Variants in GRIK2 observed in about 807,000 individuals in gnomAD.
GRIK2 encodes glutamate ionotropic receptor kainate type subunit 2.
A neutral mutation model predicts 100.3 loss-of-function variants in GRIK2; 32 were observed. The observed-to-expected ratio is 0.32, with a 90% CI of 0.24 to 0.43. GRIK2 has a LOEUF of 0.43. Ranked by LOEUF, GRIK2 falls within the 20% of genes least tolerant of loss-of-function variation. The probability of loss-of-function intolerance (pLI) is 1.00; values close to 1 mark genes in which losing one functional copy is unlikely to be tolerated. For missense variants in GRIK2, 843 were observed against 1,114.9 expected, an observed-to-expected ratio of 0.76 and a Z score of 3.47; for synonymous variants, 417 against 389.4, an observed-to-expected ratio of 1.07 and a Z score of -0.83.
chr6:101,749,803 C>CTTTTTTTTTT lies in GRIK2; in HGVS notation c.952-49831_952-49822dup, dbSNP rs989554915. On this transcript the variant is annotated intron_variant, in intron 7 of 16. Coordinates refer to ENST00000369134, the MANE Select transcript of GRIK2 (RefSeq NM_021956.5). ...ACTGAAAACTTGTGTGTGCCAGTTT[C>CTTTTTTTTTT]TTTTTTTTTTTTTTTTTTTTTTTGT... Among the ~76,000 whole-genome samples the CTTTTTTTTTT allele has an allele frequency of 1.8e-4, 17 of 92,544 alleles. 1 individual carries two copies. The highest frequency in any genetic ancestry group is 4.4e-4 in the African/African-American group (10 of 22,480). 60.7% of individuals were successfully genotyped at this position (92,544 alleles called of 152,430 possible).
chr6:101,693,812 G>T (rs6903303), intron 7 of GRIK2, among the ~76,000 whole-genome samples: 2,543 of 151,950 alleles, frequency 0.017, 78 homozygotes, highest in African/African-American at 0.059. Context: ...ATATGATCAT[G>T]TACAGATATC....
chr6:101,691,343 A>G (rs1315931870), intron 7 of GRIK2, among the ~76,000 whole-genome samples: 1 of 148,794 alleles, frequency 6.7e-6, no homozygotes, highest in Non-Finnish European at 1.5e-5. Flanking sequence ...TCTGCCACCC[A>G]GGCTGGAGTG....
intron 4 of GRIK2, among the ~76,000 whole-genome samples, chr6:101,637,924 A>G (rs1168466944): frequency 6.6e-6 from 1 of 152,186 alleles, no homozygotes; most frequent in East Asian, 1.9e-4. Context: ...CCTATTCATC[A>G]CCTGTAAGAT....
intron 9 of GRIK2, among the ~76,000 whole-genome samples, chr6:101,810,534 A>G (rs1164943681): frequency 1.3e-5 from 2 of 152,062 alleles, no homozygotes; most frequent in South Asian, 2.1e-4. Flanking sequence ...CAATTAACTT[A>G]TATCTGAAGG....
intron 2 of GRIK2, chr6:101,431,567 C>A: frequency 6.6e-6 from 1 of 151,380 alleles, no homozygotes; most frequent in African/African-American, 2.4e-5. Context: ...TTGGCAGTGG[C>A]AAGTGAAAAA....
At chr6:101,814,883 T>C (rs1384040505) in intron 9 of GRIK2, among the ~76,000 whole-genome samples, 19 of 152,332 alleles carry the variant, frequency 1.2e-4, no homozygotes, top group Non-Finnish European at 4.4e-5. Flanking sequence ...AAACAGAATA[T>C]AATTAGTAAT....
In GRIK2 at chr6:101,738,164, TAATTGACAATTGTCAAATGTCAATTG is replaced by T. The variant is rs1775781427; in HGVS notation, c.951+51812_951+51837del. 2.0e-5 allele frequency among the ~76,000 whole-genome samples: 3 copies of T among 147,140 alleles called. No homozygotes were observed. The Admixed American group carries it at 2.0e-4, about 10-fold the overall frequency. ...CAATTGACACATTAAATGTCAATTG[TAATTGACAATTGTCAAATGTCAATTG>T]TAATTGACAATTGTCAAATGTCAAT... On this transcript the variant is annotated intron_variant, in intron 7 of 16. Coordinates refer to ENST00000369134, the MANE Select transcript of GRIK2 (RefSeq NM_021956.5).
At chr6:101,595,710 G>GTATATATATATATA (rs1380908125) in intron 2 of GRIK2, among the ~76,000 whole-genome samples, 87 of 125,894 alleles carry the variant, frequency 6.9e-4, no homozygotes, top group African/African-American at 2.6e-3. Context: ...GTGTGTGTGT[G>GTATATATATATATA]TGTGTGTGTA....
intron 12 of GRIK2, among the ~76,000 whole-genome samples, chr6:101,892,442 G>A (rs746278759): frequency 1.3e-5 from 2 of 151,762 alleles, no homozygotes; most frequent in Admixed American, 1.3e-4. Flanking sequence ...GTATAATTAT[G>A]GTAATCTGTA....
intron 2 of GRIK2, among the ~76,000 whole-genome samples, chr6:101,473,205 CTTGT>C (rs1433411549): frequency 4.4e-5 from 6 of 135,860 alleles, no homozygotes; most frequent in African/African-American, 1.0e-4. Context: ...TCCTTCCTTC[CTTGT>C]TTATTTTTTT....
intron 2 of GRIK2, among the ~76,000 whole-genome samples, chr6:101,553,954 C>T (rs1776625694): frequency 6.6e-6 from 1 of 152,182 alleles, no homozygotes. Context: ...GACGCAGTCA[C>T]CTCAGTGGAC....
At chr6:101,678,885 A>G (rs1771038680) in intron 5 of GRIK2, among the ~76,000 whole-genome samples, 1 of 152,174 alleles carries the variant, frequency 6.6e-6, no homozygotes, top group Non-Finnish European at 1.5e-5. Flanking sequence ...TTTACTAGGT[A>G]TTGAACAACA....
At chr6:101,601,910 G>A (rs1779232244) in intron 2 of GRIK2, among the ~76,000 whole-genome samples, 1 of 151,284 alleles carries the variant, frequency 6.6e-6, no homozygotes, top group South Asian at 2.1e-4. Flanking sequence ...TTTATGTATG[G>A]GCTTTGGGTC....
At chr6:101,479,570 A>G (rs1017925659) in intron 2 of GRIK2, among the ~76,000 whole-genome samples, 1 of 152,210 alleles carries the variant, frequency 6.6e-6, no homozygotes, top group Admixed American at 6.5e-5. Flanking sequence ...GCTTTTACTG[A>G]TTAAGTTATT....
chr6:101,548,393 C>T (rs1776351663), intron 2 of GRIK2, among the ~76,000 whole-genome samples: 1 of 152,110 alleles, frequency 6.6e-6, no homozygotes, highest in Admixed American at 6.5e-5. Flanking sequence ...GAAGTCCTTG[C>T]CCATGCCTAT....
chr6:101,853,762 A>C (rs534924187), intron 10 of GRIK2, among the ~76,000 whole-genome samples: 4 of 152,316 alleles, frequency 2.6e-5, no homozygotes, highest in African/African-American at 9.6e-5. Flanking sequence ...AGCAGAAAAC[A>C]GAAATGAGCT....
At chr6:101,897,014 A>G (rs1787498033) in intron 12 of GRIK2, among the ~76,000 whole-genome samples, 1 of 148,998 alleles carries the variant, frequency 6.7e-6, no homozygotes, top group Non-Finnish European at 1.5e-5. Flanking sequence ...ACACACACAC[A>G]CACACACACA....
At chr6:101,720,185 A>C (rs943793020) in intron 7 of GRIK2, among the ~76,000 whole-genome samples, 3 of 151,960 alleles carry the variant, frequency 2.0e-5, no homozygotes, top group African/African-American at 7.2e-5. Context: ...TGCATTTTGA[A>C]TGTATATCCA....
At chr6:101,702,043 T>C (rs1377066488) in intron 7 of GRIK2, among the ~76,000 whole-genome samples, 1 of 150,458 alleles carries the variant, frequency 6.6e-6, no homozygotes, top group Non-Finnish European at 1.5e-5. Context: ...GTATTTTGAC[T>C]CCGTGGTTTG....
Sources: allele counts gnomAD v4.1 joint callset (sites outside exome capture counted in the v4.1 genomes callset), GRCh38; gene constraint gnomAD v4.1.1; transcripts MANE v1.5; gene names NCBI Gene and HGNC (gene_info 2026-07-23, HGNC 2026-07-21).